Variants in ABCG1 observed in about 807,000 individuals in gnomAD.
ABCG1 encodes ATP-binding cassette sub-family G member 1.
A neutral mutation model predicts 69.2 loss-of-function variants in ABCG1; 29 were observed. The ratio of observed to expected loss-of-function variants is 0.42; its 90% CI spans 0.31 to 0.57. The LOEUF is 0.57. Among genes scored for constraint, ABCG1 ranks in the 20% least tolerant of loss-of-function variants. ABCG1 has a pLI of 0.15. For missense variants in ABCG1, 718 were observed against 898.1 expected (o/e 0.80, Z 2.56); for synonymous variants, 370 against 374.8 (o/e 0.99, Z 0.15).
At chr21:42,275,412 G>A (rs1361145478) in intron 4 of ABCG1, among the ~76,000 whole-genome samples, 1 of 152,258 alleles carries the variant, frequency 6.6e-6, no homozygotes, top group African/African-American at 2.4e-5. Flanking sequence ...CCTCTGAGGA[G>A]TTGGCGAACA....
At position 42,287,865 on chromosome 21, in the gene ABCG1, G is replaced by A; in HGVS notation, c.974-24G>A. The A allele has an allele frequency of 6.5e-7, 1 of 1,538,104 alleles. No individual in the cohort carries two copies. Among genetic ancestry groups the A allele is most frequent in the Non-Finnish European group, 8.8e-7 (1 of 1,140,378 alleles). ...GGGTGTCCTTCCTGGAGCCCGGGCT[G>A]ACCCCCGTCTGTGTCTCCTGCAGTC... is the stretch of plus-strand genomic sequence containing the variant. On this transcript the variant is annotated intron_variant, in intron 8 of 14. Coordinates refer to ENST00000398449, the MANE Select transcript of ABCG1 (RefSeq NM_016818.3). This position sits in a 1 kb window ranked among gnomAD's most constrained non-coding sequence, Gnocchi z 6.2.
Position 42,210,864 on chromosome 21 carries a change from G to A in ABCG1, c.48+9141G>A, listed in dbSNP as rs372876847. On this transcript the variant is annotated intron_variant, in intron 2 of 15. Coordinates refer to the ABCG1 transcript ENST00000398457. The stretch of plus-strand genomic sequence containing the variant: ...GGCTCACCAGAGGAAGCGAAGGAGC[G>A]TATCTGGATGCTGGAGACAGAATAC... 2.4e-4 allele frequency among the ~76,000 whole-genome samples: 37 copies of A among 152,272 alleles called. No individual in the cohort carries two copies. The South Asian group carries it at 5.0e-3, about 21-fold the overall frequency.
intron 1 of ABCG1, among the ~76,000 whole-genome samples, chr21:42,224,325 A>C (rs2067779080): frequency 6.6e-6 from 1 of 152,176 alleles, no homozygotes; most frequent in South Asian, 2.1e-4. Flanking sequence ...CTCCTCCAAG[A>C]GGCCCTGCCA....
intron 6 of ABCG1, among the ~76,000 whole-genome samples, chr21:42,283,585 T>C (rs950359181): frequency 6.6e-6 from 1 of 151,434 alleles, no homozygotes; most frequent in Non-Finnish European, 1.5e-5. Context: ...AGGTGGGGAG[T>C]GGGGGTGGTG....
chr21:42,288,126 T>A lies in ABCG1; in HGVS notation c.1123-85T>A, dbSNP rs753095116. 2.5e-6 allele frequency: 4 copies of A among 1,608,698 alleles called. No individual in the cohort carries two copies. The Admixed American group carries it at 6.7e-5, about 27-fold the overall frequency. The stretch of plus-strand genomic sequence containing the variant: ...GGAGGCTGCACGTGGCACCGTGCAC[T>A]GCTGCATGAGAGCTCTTTCCGAGCA... On this transcript the variant is annotated intron_variant, in intron 9 of 14. Transcript: ENST00000398449. This position sits in a 1 kb window ranked among gnomAD's most constrained non-coding sequence, Gnocchi z 4.8.
chr21:42,223,146 C>T (rs1020747315), intron 1 of ABCG1, among the ~76,000 whole-genome samples: 1 of 152,220 alleles, frequency 6.6e-6, no homozygotes, highest in Non-Finnish European at 1.5e-5. Context: ...TGCCCCGACC[C>T]TACCAGCCCA....
At chr21:42,207,739 G>T (rs891664572) in intron 2 of ABCG1, among the ~76,000 whole-genome samples, 2 of 152,208 alleles carry the variant, frequency 1.3e-5, no homozygotes, top group African/African-American at 4.8e-5. Flanking sequence ...CTGGATGGGG[G>T]TTGAAGTTCT....
In ABCG1 at chr21:42,219,752, C is replaced by A; in HGVS notation, c.42+448C>A. 7.4e-7 allele frequency: 1 copy of A among 1,347,370 alleles called. No homozygotes were observed. Among genetic ancestry groups the A allele is most frequent in the East Asian group, 2.8e-5 (1 of 35,814 alleles). 83.5% of individuals were successfully genotyped at this position (1,347,370 alleles called of 1,614,324 possible). ...GTGGGCTTGGGGACCGGGGACTTCT[C>A]GCGCCATCCCCAGGAACGCCAGGCA... is the stretch of plus-strand genomic sequence containing the variant. On this transcript the variant is annotated intron_variant, in intron 1 of 14. Coordinates refer to ENST00000398449, the MANE Select transcript of ABCG1 (RefSeq NM_016818.3). This position sits in a 1 kb window ranked among gnomAD's most constrained non-coding sequence, Gnocchi z 5.3.
intron 2 of ABCG1, among the ~76,000 whole-genome samples, chr21:42,210,864 G>T (rs372876847): frequency 6.6e-6 from 1 of 152,154 alleles, no homozygotes; most frequent in Non-Finnish European, 1.5e-5. Context: ...GCGAAGGAGC[G>T]TATCTGGATG....
At chr21:42,220,164 C>T in intron 1 of ABCG1, 1 of 874,528 alleles carries the variant, frequency 1.1e-6, no homozygotes, top group South Asian at 1.7e-5. Flanking sequence ...TCCTAGCGCC[C>T]TTCATGTCTA....
intron 5 of ABCG1, among the ~76,000 whole-genome samples, chr21:42,277,198 G>A (rs2068726982): frequency 6.6e-6 from 1 of 152,184 alleles, no homozygotes; most frequent in South Asian, 2.1e-4. Flanking sequence ...TAATGTGAGG[G>A]ACAACAGACT....
Position 42,247,693 on chromosome 21 carries a change from G to T in ABCG1, c.286+21779G>T, listed in dbSNP as rs183596345. On this transcript the variant is annotated intron_variant, in intron 2 of 14. Coordinates refer to ENST00000398449, the MANE Select transcript of ABCG1 (RefSeq NM_016818.3). ...TCAATTTGCAGACAGATGTGATTAA[G>T]TTAAGGATGTCCAGATGGGGCCACC... Among the ~76,000 whole-genome samples the T allele has an allele frequency of 2.0e-5, 3 of 152,332 alleles. No homozygotes were observed. In the East Asian group the frequency reaches 5.8e-4, roughly 29 times the overall value.
upstream of ABCG1, among the ~76,000 whole-genome samples, chr21:42,212,094 C>T (rs1227568699): frequency 6.6e-6 from 1 of 152,156 alleles, no homozygotes; most frequent in African/African-American, 2.4e-5. Context: ...ACTGCATTTT[C>T]TGGCGTCTTG....
At chr21:42,260,643 C>G (rs912399333) in intron 2 of ABCG1, among the ~76,000 whole-genome samples, 2 of 152,138 alleles carry the variant, frequency 1.3e-5, no homozygotes, top group African/African-American at 2.4e-5. Flanking sequence ...TCTTTGCACT[C>G]AGCCCCAAGC....
At chr21:42,220,127 AG>A in intron 1 of ABCG1, 1 of 1,318,718 alleles carries the variant, frequency 7.6e-7, no homozygotes, top group Non-Finnish European at 1.1e-6. Context: ...ACCAATCATC[AG>A]GCCCCCAGCC....
intron 1 of ABCG1, among the ~76,000 whole-genome samples, chr21:42,220,920 G>C (rs2067715706): frequency 6.6e-6 from 1 of 152,190 alleles, no homozygotes. Context: ...AGGTGGCTTG[G>C]TGTGGGTTTT....
chr21:42,199,731 CT>C (rs894752407), exon 1 of ABCG1: 2 of 152,194 alleles, frequency 1.3e-5, no homozygotes, highest in African/African-American at 4.8e-5. Context: ...CTTTACATGC[CT>C]GCAGTGGTGA....
intron 4 of ABCG1, among the ~76,000 whole-genome samples, chr21:42,275,015 C>G (rs1197255721): frequency 6.6e-6 from 1 of 152,130 alleles, no homozygotes; most frequent in Non-Finnish European, 1.5e-5. Flanking sequence ...AGGGGGCATC[C>G]TCAGCTTGAT....
intron 2 of ABCG1, among the ~76,000 whole-genome samples, chr21:42,261,341 G>A (rs531953632): frequency 9.2e-5 from 14 of 152,352 alleles, no homozygotes; most frequent in African/African-American, 3.1e-4. Context: ...GATGTTTGCG[G>A]TTGGAAAGCT....
Sources: gnomAD v4.1 joint callset for allele counts (sites outside exome capture counted in the v4.1 genomes callset) on GRCh38, gnomAD v4.1.1 for gene constraint, Gnocchi (gnomAD v3.1) non-coding constraint, MANE v1.5 for transcripts, NCBI Gene and HGNC (gene_info 2026-07-23, HGNC 2026-07-21) for gene names.